Variants in RXYLT1 observed in about 807,000 individuals in gnomAD.
The protein encoded by RXYLT1 is ribitol-5-phosphate xylosyltransferase 1.
In RXYLT1, 41 loss-of-function variants were observed where a neutral mutation model predicts 43.5. The observed-to-expected ratio is 0.94, with a 90% CI of 0.73 to 1.22. The LOEUF (loss-of-function observed/expected upper bound fraction) is 1.22. Ranked by LOEUF, RXYLT1 falls within the 50% of genes most tolerant of loss-of-function variation. The pLI is 0.00. For synonymous variants in RXYLT1, 166 were observed against 194.4 expected, an observed-to-expected ratio of 0.85 and a Z score of 1.21; for missense variants, 514 against 532.0, an observed-to-expected ratio of 0.97 and a Z score of 0.33.
intron 3 of RXYLT1, among the ~76,000 whole-genome samples, chr12:63,800,765 T>TA (rs1310347013): frequency 6.6e-6 from 1 of 151,884 alleles, no homozygotes; most frequent in Non-Finnish European, 1.5e-5. Context: ...CTACTAAAAA[T>TA]ACAAAAATTA....
At chr12:63,805,014 C>T (rs1898254127) in intron 4 of RXYLT1, 1 of 428,352 alleles carries the variant, frequency 2.3e-6, no homozygotes, top group Admixed American at 4.1e-5. Context: ...CACAACATCT[C>T]TGTAACACTT....
At chr12:63,793,430 A>G (rs2136226512) in intron 3 of RXYLT1, among the ~76,000 whole-genome samples, 1 of 152,312 alleles carries the variant, frequency 6.6e-6, no homozygotes, top group South Asian at 2.1e-4. Flanking sequence ...TACACAAACT[A>G]AATTAATAGC....
At chr12:63,795,913 C>G (rs569154885) in intron 3 of RXYLT1, among the ~76,000 whole-genome samples, 9 of 152,068 alleles carry the variant, frequency 5.9e-5, no homozygotes, top group African/African-American at 2.2e-4. Context: ...AAAAATGGTA[C>G]CAAAAAAATC....
chr12:63,780,900 G>C lies in RXYLT1; in HGVS notation c.170-119G>C, dbSNP rs3791156. On this transcript the variant is annotated intron_variant, in intron 1 of 5. Transcript: ENST00000261234. Reference sequence around the variant, plus strand: ...TATTACCAGTTTAAATTCAGTTGCTGTACCTCTCAGAAATTAAAGTTAGGA... The same window carrying C: ...TATTACCAGTTTAAATTCAGTTGCTCTACCTCTCAGAAATTAAAGTTAGGA... 0.15 allele frequency: 137,515 copies of C among 887,408 alleles called. 17,694 individuals carry two copies. The highest frequency in any genetic ancestry group is 0.63 in the East Asian group (20,860 of 33,348). The allele number at this position is 887,408 out of a possible 1,614,324, so 55.0% of individuals were successfully genotyped here. A position where few individuals can be genotyped will look rare whatever the true frequency, so the allele number is the denominator to read the frequency against.
chr12:63,783,442 C>T (rs967744164), intron 2 of RXYLT1, among the ~76,000 whole-genome samples: 1 of 151,720 alleles, frequency 6.6e-6, no homozygotes, highest in Non-Finnish European at 1.5e-5. Flanking sequence ...GCCTGGGCGA[C>T]AGAGCGAGAC....
intron 3 of RXYLT1, among the ~76,000 whole-genome samples, chr12:63,786,216 A>G (rs1287331881): frequency 6.6e-6 from 1 of 152,208 alleles, no homozygotes; most frequent in African/African-American, 2.4e-5. Flanking sequence ...TTAAAAATTC[A>G]TAAAGTTAGC....
At chr12:63,787,257 C>G (rs983414974) in intron 3 of RXYLT1, among the ~76,000 whole-genome samples, 2 of 152,206 alleles carry the variant, frequency 1.3e-5, no homozygotes, top group Admixed American at 6.5e-5. Context: ...CAGGAAACCA[C>G]TTTCTCTGCT....
intron 3 of RXYLT1, among the ~76,000 whole-genome samples, chr12:63,787,369 A>G (rs922102386): frequency 1.3e-5 from 2 of 152,156 alleles, no homozygotes; most frequent in African/African-American, 4.8e-5. Context: ...TTTTCTTTCC[A>G]TTTCTACCAC....
intron 3 of RXYLT1, among the ~76,000 whole-genome samples, chr12:63,787,195 C>T (rs1272500073): frequency 6.6e-6 from 1 of 152,166 alleles, no homozygotes. Flanking sequence ...CCTTTATTGT[C>T]ACTTCACCAA....
chr12:63,781,799 A>C (rs1897689620), intron 2 of RXYLT1, among the ~76,000 whole-genome samples: 1 of 149,868 alleles, frequency 6.7e-6, no homozygotes, highest in Non-Finnish European at 1.5e-5. Flanking sequence ...TTAGTGACTT[A>C]GAAAGCGCTT....
chr12:63,800,879 C>G (rs1898144122), intron 3 of RXYLT1, among the ~76,000 whole-genome samples: 2 of 151,776 alleles, frequency 1.3e-5, no homozygotes, highest in South Asian at 4.2e-4. Flanking sequence ...TGAGATCATG[C>G]CACAGCACTC....
chr12:63,809,479 G>T lies in RXYLT1; in HGVS notation c.*387G>T. On this transcript the variant is annotated 3_prime_UTR_variant, in exon 6 of 6. Coordinates refer to ENST00000261234, the MANE Select transcript of RXYLT1 (RefSeq NM_014254.3). ...ATAAATGACTATGTTACTGGTTTAT[G>T]TATTTACTATACTATACTTTTTACA... The T allele has an allele frequency of 5.9e-6, 1 of 170,544 alleles. No homozygotes were observed. The highest frequency in any genetic ancestry group is 1.2e-5 in the Non-Finnish European group (1 of 80,846). The allele number at this position is 170,544 out of a possible 1,614,324, so 10.6% of individuals were successfully genotyped here.
chr12:63,805,526 G>A, intron 5 of RXYLT1, 122 bp downstream of exon 5: 1 of 938,364 alleles, frequency 1.1e-6, no homozygotes, highest in Non-Finnish European at 1.5e-6. Flanking sequence ...TTCCCCAGAA[G>A]ATACATTAGT....
At chr12:63,794,933 G>A (rs768229525) in intron 3 of RXYLT1, among the ~76,000 whole-genome samples, 8 of 152,134 alleles carry the variant, frequency 5.3e-5, no homozygotes, top group Non-Finnish European at 7.3e-5. Flanking sequence ...AGAAATATAT[G>A]TATTTTGGTA....
rs1897811659 is a variant in RXYLT1, at chr12:63,786,745, C to T, written c.428+1673C>T. On this transcript the variant is annotated intron_variant, in intron 3 of 5. Transcript: ENST00000261234. ...AGTTTGCCACATCAGTTGACTCTTCCTTCACAAAAGTTTTCTCTGTAGCAC... is the reference window on the plus strand; with the variant it reads ...AGTTTGCCACATCAGTTGACTCTTCTTTCACAAAAGTTTTCTCTGTAGCAC... 2.0e-5 allele frequency among the ~76,000 whole-genome samples: 3 copies of T among 152,170 alleles called. No homozygotes were observed. In the South Asian group the frequency reaches 6.2e-4, roughly 32 times the overall value.
In RXYLT1 at chr12:63,809,016, A is replaced by C; in HGVS notation, c.1256A>C (p.Gln419Pro). ...ERRKMLLQWY[Q>P]HFKTELKMKF... ...AGAAAAATGTTACTTCAGTGGTATC[A>C]GCACTTCAAGACAGAGCTTAAAATG... Residue 419 changes from glutamine (Q) to proline (P), a missense_variant, in exon 6 of 6, where the codon CAG becomes CCG. Coordinates refer to ENST00000261234, the MANE Select transcript of RXYLT1 (RefSeq NM_014254.3). 1 of 1,608,506 alleles carries C rather than the reference A, an allele frequency of 6.2e-7. No individual in the cohort carries two copies. The highest frequency in any genetic ancestry group is 8.5e-7 in the Non-Finnish European group (1 of 1,176,720).
chr12:63,805,177 G>A (rs1592856093), intron 4 of RXYLT1, 57 bp from the exon 5 acceptor site: 1 of 1,397,008 alleles, frequency 7.2e-7, no homozygotes, highest in East Asian at 2.4e-5. Flanking sequence ...ATTGGGTTAT[G>A]GGGAATTTTT....
intron 3 of RXYLT1, among the ~76,000 whole-genome samples, chr12:63,799,913 C>T (rs1234031120): frequency 6.6e-6 from 1 of 152,028 alleles, no homozygotes; most frequent in Non-Finnish European, 1.5e-5. Flanking sequence ...TTTCTAGCCC[C>T]TCAGATTCTG....
At position 63,809,285 on chromosome 12, in the gene RXYLT1, G is replaced by C; in HGVS notation, c.*193G>C. 1 of 470,932 alleles carries C rather than the reference G, an allele frequency of 2.1e-6. No homozygotes were observed. Among genetic ancestry groups the C allele is most frequent in the Non-Finnish European group, 3.7e-6 (1 of 271,692 alleles). The allele number at this position is 470,932 out of a possible 1,614,324, so 29.2% of individuals were successfully genotyped here. A position where few individuals can be genotyped will look rare whatever the true frequency, so the allele number is the denominator to read the frequency against. On this transcript the variant is annotated 3_prime_UTR_variant, in exon 6 of 6. Coordinates refer to ENST00000261234, the MANE Select transcript of RXYLT1 (RefSeq NM_014254.3). ...ATAGTGGTCCCATAAGATTATAATG[G>C]AGCTGAAAAATTTCTATCGCCTAGT... is the stretch of plus-strand genomic sequence containing the variant.
Sources: gnomAD v4.1 joint callset for allele counts (sites outside exome capture counted in the v4.1 genomes callset) on GRCh38, gnomAD v4.1.1 for gene constraint, MANE v1.5 for transcripts, NCBI Gene and HGNC (gene_info 2026-07-23, HGNC 2026-07-21) for gene names.